Variants in RPGRIP1L observed in about 807,000 individuals in gnomAD.
RPGRIP1L encodes the protein RPGRIP1 like, also known as protein fantom.
RPGRIP1L carries 131 observed loss-of-function variants against 160.4 expected under a neutral mutation model. That is an observed-to-expected ratio of 0.82 (90% confidence interval 0.71 to 0.94). The LOEUF (loss-of-function observed/expected upper bound fraction) is 0.94. RPGRIP1L is among the 40% of genes least tolerant of loss of function. The probability of loss-of-function intolerance (pLI) is 0.00; values close to 1 mark genes in which losing one functional copy is unlikely to be tolerated. For synonymous variants in RPGRIP1L, 510 were observed against 515.8 expected, an observed-to-expected ratio of 0.99 and a Z score of 0.15; for missense variants, 1,522 against 1,535.8, an observed-to-expected ratio of 0.99 and a Z score of 0.15.
chr16:53,618,419 T>C (rs892766333), intron 24 of RPGRIP1L, among the ~76,000 whole-genome samples: 5 of 152,232 alleles, frequency 3.3e-5, no homozygotes, highest in Non-Finnish European at 7.3e-5. Context: ...AAATATCATA[T>C]ATTTAAATTA....
intron 6 of RPGRIP1L, among the ~76,000 whole-genome samples, chr16:53,676,059 A>T (rs950765422): frequency 6.6e-6 from 1 of 152,202 alleles, no homozygotes; most frequent in East Asian, 1.9e-4. Flanking sequence ...AAACTTATCT[A>T]GTGTACACAT....
At chr16:53,626,442 C>CT (rs1344471923) in intron 22 of RPGRIP1L, among the ~76,000 whole-genome samples, 1 of 152,090 alleles carries the variant, frequency 6.6e-6, no homozygotes, top group Non-Finnish European at 1.5e-5. Context: ...CTTCTCAGTT[C>CT]TTTTTTTCTT....
chr16:53,610,991 T>G lies in RPGRIP1L; in HGVS notation c.3677A>C (p.Gln1226Pro), dbSNP rs758697413. The change falls in exon 25 of 27, where the codon CAA becomes CCA. Residue 1226 changes from glutamine (Q) to proline (P), a missense_variant. Gln to Pro is a moderately conservative substitution (Grantham distance 76). Coordinates refer to ENST00000647211, the MANE Select transcript of RPGRIP1L (RefSeq NM_015272.5). ...AKRDILKAIL[Q>P]KQEMPNRSLR... is the part of the protein sequence containing the mutation. ...CCTTCTATTAGGCATCTCTTGTTTT[T>G]GTAGTATAGCTTTTAAGATGTCTCT... is the stretch of plus-strand genomic sequence containing the variant. 1.9e-6 allele frequency: 3 copies of G among 1,612,588 alleles called. No individual in the cohort carries two copies. The highest frequency in any genetic ancestry group is 2.5e-6 in the Non-Finnish European group (3 of 1,178,648).
At chr16:53,643,858 T>G (rs1021932404) in intron 17 of RPGRIP1L, among the ~76,000 whole-genome samples, 2 of 152,166 alleles carry the variant, frequency 1.3e-5, no homozygotes, top group African/African-American at 4.8e-5. Flanking sequence ...GAAAATGTAC[T>G]GCATACACAG....
chr16:53,637,990 C>T (rs747716426), intron 20 of RPGRIP1L, 136 bp from the exon 21 acceptor site: 4 of 807,980 alleles, frequency 5.0e-6, no homozygotes, highest in Non-Finnish European at 6.1e-6. Flanking sequence ...GTATGAGACT[C>T]AGAAAACAAC....
At chr16:53,674,475 A>G (rs894958298) in intron 7 of RPGRIP1L, among the ~76,000 whole-genome samples, 2 of 152,148 alleles carry the variant, frequency 1.3e-5, no homozygotes, top group African/African-American at 4.8e-5. Flanking sequence ...TGTCAACCTG[A>G]AGGGTTAAGG....
chr16:53,690,409 G>A (rs1303275265), intron 4 of RPGRIP1L, among the ~76,000 whole-genome samples: 1 of 152,098 alleles, frequency 6.6e-6, no homozygotes, highest in Non-Finnish European at 1.5e-5. Flanking sequence ...TGTTGGCCAG[G>A]ATGGTCTCCA....
In RPGRIP1L at chr16:53,696,650, A is replaced by AT. The variant is rs953235394; in HGVS notation, c.86-356dup. 1.2e-4 allele frequency among the ~76,000 whole-genome samples: 18 copies of AT among 152,280 alleles called. No homozygotes were observed. In the East Asian group the frequency reaches 2.5e-3, roughly 21 times the overall value. ...ACAACTAAAAGAGTATCCGAAGCTT[A>AT]TTTTTTTACAAAGGCAAGAGTAAGA... On this transcript the variant is annotated intron_variant, in intron 2 of 26. Coordinates refer to ENST00000647211, the MANE Select transcript of RPGRIP1L (RefSeq NM_015272.5).
At chr16:53,625,459 C>T (rs560619386) in intron 22 of RPGRIP1L, among the ~76,000 whole-genome samples, 1 of 133,860 alleles carries the variant, frequency 7.5e-6, no homozygotes, top group Non-Finnish European at 1.6e-5. Flanking sequence ...ACCCGGCAGC[C>T]GCCCCATCTG....
At position 53,652,801 on chromosome 16, in the gene RPGRIP1L, G is replaced by A. The variant is rs374098422; in HGVS notation, c.1886C>T (p.Pro629Leu). The A allele has an allele frequency of 7.4e-6, 12 of 1,613,982 alleles. No individual in the cohort carries two copies. The highest frequency in any genetic ancestry group is 2.7e-5 in the African/African-American group (2 of 74,928). ...EVLQASGDKE[P>L]VTFCTYAFYD... ...GAAAGCATAGGTACAGAAAGTGACA[G>A]GCTCTTTATCTCCAGATGCCTGTAA... Residue 629 changes from proline to leucine, a missense_variant, in exon 15 of 27, where the codon CCT (proline) becomes CTT (leucine). Coordinates refer to ENST00000647211, the MANE Select transcript of RPGRIP1L (RefSeq NM_015272.5).
chr16:53,655,293 G>A (rs1967155556), intron 14 of RPGRIP1L, among the ~76,000 whole-genome samples: 1 of 151,990 alleles, frequency 6.6e-6, no homozygotes, highest in Admixed American at 6.5e-5. Flanking sequence ...TTTAATTTAT[G>A]TTAACACGCA....
intron 26 of RPGRIP1L, 43 bp from the exon 27 acceptor site, chr16:53,602,231 A>G (rs776940101): frequency 7.2e-7 from 1 of 1,382,302 alleles, no homozygotes; most frequent in South Asian, 1.2e-5. Context: ...CATTCAACAG[A>G]TTTTTCTTTG....
At chr16:53,685,467 A>G (rs963048921) in intron 6 of RPGRIP1L, among the ~76,000 whole-genome samples, 7 of 152,376 alleles carry the variant, frequency 4.6e-5, no homozygotes, top group African/African-American at 1.7e-4. Context: ...ATGCCCATCA[A>G]TGATAGGCTA....
In RPGRIP1L at chr16:53,642,197, T is replaced by A. The variant is rs76143936; in HGVS notation, c.2684-722A>T. Among the ~76,000 whole-genome samples the A allele has an allele frequency of 2.1e-4, 32 of 150,966 alleles. No individual in the cohort carries two copies. In the South Asian group the frequency reaches 6.3e-3, roughly 30 times the overall value. Reference sequence around the variant, plus strand: ...CTATATATCTTTTTATTTTTTTTTTTAAATAGACAGGTTCTCACTACGTTG... The same window carrying A: ...CTATATATCTTTTTATTTTTTTTTTAAAATAGACAGGTTCTCACTACGTTG... On this transcript the variant is annotated intron_variant, in intron 17 of 26. Coordinates refer to ENST00000647211, the MANE Select transcript of RPGRIP1L (RefSeq NM_015272.5).
chr16:53,642,770 G>C (rs1465194462), intron 17 of RPGRIP1L, among the ~76,000 whole-genome samples: 1 of 152,140 alleles, frequency 6.6e-6, no homozygotes. Flanking sequence ...GCCAGTCTAG[G>C]ATAGGCTAAG....
chr16:53,687,420 C>T (rs1598402861), intron 5 of RPGRIP1L, among the ~76,000 whole-genome samples: 1 of 151,984 alleles, frequency 6.6e-6, no homozygotes. Flanking sequence ...TAGAATCATA[C>T]GAAAACAAAA....
chr16:53,638,795 T>C (rs968068209), intron 19 of RPGRIP1L, among the ~76,000 whole-genome samples: 2 of 151,714 alleles, frequency 1.3e-5, no homozygotes, highest in Admixed American at 1.3e-4. Flanking sequence ...ATACATAACA[T>C]AGTGTTGAGT....
intron 22 of RPGRIP1L, among the ~76,000 whole-genome samples, chr16:53,633,703 A>C (rs1965662560): frequency 1.3e-5 from 2 of 152,252 alleles, no homozygotes; most frequent in South Asian, 4.1e-4. Context: ...ATTATGTATG[A>C]AAGAATGTAT....
At chr16:53,624,671 T>C (rs895505908) in intron 22 of RPGRIP1L, among the ~76,000 whole-genome samples, 1 of 152,186 alleles carries the variant, frequency 6.6e-6, no homozygotes, top group African/African-American at 2.4e-5. Context: ...CAGGTGAATA[T>C]TGTTGAATCT....
Sources: gnomAD v4.1 joint callset for allele counts (sites outside exome capture counted in the v4.1 genomes callset) on GRCh38, gnomAD v4.1.1 for gene constraint, MANE v1.5 for transcripts, NCBI Gene and HGNC (gene_info 2026-07-23, HGNC 2026-07-21) for gene names.